The following ZNF346 variants were observed in gnomAD, a reference collection of about 807,000 sequenced individuals.
ZNF346 encodes the protein zinc finger protein 346, also known as double-stranded RNA-binding zinc finger protein JAZ.
A neutral mutation model predicts 33.7 loss-of-function variants in ZNF346; 23 were observed. The ratio of observed to expected loss-of-function variants is 0.68; its 90% CI spans 0.49 to 0.97. The LOEUF is 0.97. Among genes scored for constraint, ZNF346 ranks in the 50% least tolerant of loss-of-function variants. The pLI is 0.00. For synonymous variants in ZNF346, 134 were observed against 142.4 expected (o/e 0.94, Z 0.42); for missense variants, 340 against 371.1 (o/e 0.92, Z 0.69).
chr5:177,074,896 C>G (rs1415826431), intron 8 of ZNF346, among the ~76,000 whole-genome samples: 1 of 151,266 alleles, frequency 6.6e-6, no homozygotes, highest in Non-Finnish European at 1.5e-5. Context: ...TGAAACCCGT[C>G]TCTACTAAAA....
At chr5:177,049,095 C>CT (rs1391849148) in intron 4 of ZNF346, among the ~76,000 whole-genome samples, 1 of 151,994 alleles carries the variant, frequency 6.6e-6, no homozygotes, top group African/African-American at 2.4e-5. Context: ...CTGTAACTTG[C>CT]TTTTTTTACA....
intron 1 of ZNF346, chr5:177,023,196 T>C: frequency 6.5e-7 from 1 of 1,536,696 alleles, no homozygotes; most frequent in Non-Finnish European, 8.7e-7. Flanking sequence ...GTCATCCCTA[T>C]ACTCGTCCTG....
At chr5:177,029,256 C>G (rs1777330243) in intron 1 of ZNF346, among the ~76,000 whole-genome samples, 1 of 152,076 alleles carries the variant, frequency 6.6e-6, no homozygotes, top group Non-Finnish European at 1.5e-5. Flanking sequence ...TCATAACAAC[C>G]CAAAGACCTC....
In ZNF346 at chr5:177,044,213, G is replaced by A. The variant is rs557417239; in HGVS notation, c.373-176G>A. On this transcript the variant is annotated intron_variant, in intron 3 of 6. Coordinates refer to ENST00000358149, the MANE Select transcript of ZNF346 (RefSeq NM_012279.4). ...CAAGGAAGCATCAGAGAATAAAGTG[G>A]GGGATGGTGAGTAGAGTCTGGGACA... 2.3e-3 allele frequency: 1,474 copies of A among 640,116 alleles called. 30 individuals carry two copies. In the South Asian group the frequency reaches 0.026, roughly 11 times the overall value. The allele number at this position is 640,116 out of a possible 1,614,324, so 39.7% of individuals were successfully genotyped here.
intron 5 of ZNF346, among the ~76,000 whole-genome samples, chr5:177,052,172 A>AT (rs772764834): frequency 0.053 from 7,522 of 142,700 alleles, 338 homozygotes; most frequent in African/African-American, 0.12. Context: ...CAAAAAAACA[A>AT]TTTTTTTTTT....
intron 5 of ZNF346, among the ~76,000 whole-genome samples, chr5:177,057,322 C>G (rs1781824718): frequency 4.8e-5 from 2 of 41,528 alleles, no homozygotes; most frequent in East Asian, 1.4e-3. Context: ...GTCTCTTTTT[C>G]TTTTAAGTTT....
intron 1 of ZNF346, among the ~76,000 whole-genome samples, chr5:177,026,961 C>T (rs1212556702): frequency 6.6e-6 from 1 of 152,068 alleles, no homozygotes; most frequent in Non-Finnish European, 1.5e-5. Flanking sequence ...TGAATCTTAG[C>T]TCAAAAAGGG....
At chr5:177,073,931 C>T (rs1684837440) in intron 8 of ZNF346, among the ~76,000 whole-genome samples, 1 of 151,980 alleles carries the variant, frequency 6.6e-6, no homozygotes, top group Non-Finnish European at 1.5e-5. Context: ...AAGGTTAGGA[C>T]TTAAGTGCTC....
downstream of ZNF346, among the ~76,000 whole-genome samples, chr5:177,072,071 T>G (rs896168268): frequency 2.0e-5 from 3 of 152,246 alleles, no homozygotes; most frequent in African/African-American, 7.2e-5. Context: ...GGGACTTTAC[T>G]GTTTGATTTA....
intron 5 of ZNF346, among the ~76,000 whole-genome samples, chr5:177,051,454 C>T (rs972990203): frequency 1.3e-5 from 2 of 151,684 alleles, no homozygotes; most frequent in Non-Finnish European, 2.9e-5. Context: ...GAATTACAGG[C>T]GTGAGCCACC....
chr5:177,045,262 G>GT (rs1779877216), intron 4 of ZNF346, among the ~76,000 whole-genome samples: 1 of 152,152 alleles, frequency 6.6e-6, no homozygotes, highest in Non-Finnish European at 1.5e-5. Flanking sequence ...TTTGGACCAA[G>GT]AAGTAGACTA....
At chr5:177,074,366 G>A (rs568116003) in intron 8 of ZNF346, among the ~76,000 whole-genome samples, 36 of 151,976 alleles carry the variant, frequency 2.4e-4, no homozygotes, top group East Asian at 1.9e-4. Context: ...GGAATGTCTC[G>A]AGCCCAGAGC....
downstream of ZNF346, among the ~76,000 whole-genome samples, chr5:177,069,901 A>T (rs1783421946): frequency 6.6e-6 from 1 of 152,200 alleles, no homozygotes; most frequent in Admixed American, 6.5e-5. Context: ...GGCTCAAGCG[A>T]TCCACCCACC....
At chr5:177,072,183 G>A (rs1034473272), downstream of ZNF346, among the ~76,000 whole-genome samples, 1 of 152,216 alleles carries the variant, frequency 6.6e-6, no homozygotes, top group Non-Finnish European at 1.5e-5. Context: ...GAAAGTCAGG[G>A]ACAAAGTCTT....
chr5:177,070,069 TCTA>T (rs1267173306), downstream of ZNF346, among the ~76,000 whole-genome samples: 4 of 152,226 alleles, frequency 2.6e-5, no homozygotes, highest in African/African-American at 9.6e-5. Flanking sequence ...TGTTCACTCA[TCTA>T]CTCAGGCGTG....
At chr5:177,058,458 C>T (rs1039812994) in intron 5 of ZNF346, among the ~76,000 whole-genome samples, 8 of 151,736 alleles carry the variant, frequency 5.3e-5, no homozygotes, top group Non-Finnish European at 1.2e-4. Context: ...GCAACAAAAG[C>T]GAAACTCCAT....
intron 1 of ZNF346, among the ~76,000 whole-genome samples, chr5:177,040,297 T>C (rs2149627033): frequency 6.6e-6 from 1 of 152,272 alleles, no homozygotes; most frequent in South Asian, 2.1e-4. Context: ...CACAGGTTAA[T>C]ACCATGTTTC....
chr5:177,038,875 CTT>C (rs1491576158), intron 1 of ZNF346, among the ~76,000 whole-genome samples: 78 of 89,166 alleles, frequency 8.7e-4, no homozygotes, highest in South Asian at 3.0e-3. Context: ...TCTTCTTCTT[CTT>C]GTGTGTGTGT....
chr5:177,032,540 T>G (rs918520675), intron 1 of ZNF346, among the ~76,000 whole-genome samples: 60 of 152,146 alleles, frequency 3.9e-4, no homozygotes, highest in African/African-American at 1.4e-3. Flanking sequence ...CCTGCTGAGT[T>G]AGCTGGGATT....
Sources: allele counts gnomAD v4.1 joint callset (sites outside exome capture counted in the v4.1 genomes callset), GRCh38; gene constraint gnomAD v4.1.1; transcripts MANE v1.5; gene names NCBI Gene and HGNC (gene_info 2026-07-23, HGNC 2026-07-21).